HSD17B4: variants seen among roughly 807,000 people sequenced by gnomAD.
HSD17B4 encodes the protein peroxisomal multifunctional enzyme type 2.
HSD17B4 carries 70 observed loss-of-function variants against 101.0 expected under a neutral mutation model. The ratio of observed to expected loss-of-function variants is 0.69; its 90% CI spans 0.57 to 0.85. The LOEUF (loss-of-function observed/expected upper bound fraction) is 0.85, where lower values mean the gene tolerates loss of function less well. HSD17B4 is among the 40% of genes least tolerant of loss of function. HSD17B4 has a pLI of 0.00. For synonymous variants in HSD17B4, 347 were observed against 297.1 expected, an observed-to-expected ratio of 1.17 and a Z score of -1.73; for missense variants, 984 against 892.4, an observed-to-expected ratio of 1.10 and a Z score of -1.31.
intron 7 of HSD17B4, among the ~76,000 whole-genome samples, chr5:119,478,616 C>T (rs1748820569): frequency 6.6e-6 from 1 of 152,032 alleles, no homozygotes; most frequent in South Asian, 2.1e-4. Context: ...TTGGTTCTGG[C>T]CAGAGAATCT....
chr5:119,493,005 A>G (rs1193491013), intron 10 of HSD17B4: 1 of 152,140 alleles, frequency 6.6e-6, no homozygotes, highest in African/African-American at 2.4e-5. Flanking sequence ...AAAGTGGCTT[A>G]TATTCTTGAA....
chr5:119,455,390 G>A (rs1049694201), intron 1 of HSD17B4, among the ~76,000 whole-genome samples: 18 of 152,092 alleles, frequency 1.2e-4, no homozygotes, highest in African/African-American at 3.9e-4. Context: ...GGTGGCGGGC[G>A]CCTGTAGTCC....
At chr5:119,489,961 T>C (rs1749948997) in intron 9 of HSD17B4, among the ~76,000 whole-genome samples, 1 of 152,124 alleles carries the variant, frequency 6.6e-6, no homozygotes, top group South Asian at 2.1e-4. Context: ...AGCCAATTTA[T>C]ATATTTTTGA....
At chr5:119,514,330 G>C (rs1213349364) in intron 16 of HSD17B4, among the ~76,000 whole-genome samples, 1 of 152,116 alleles carries the variant, frequency 6.6e-6, no homozygotes, top group Admixed American at 6.5e-5. Context: ...AGCTTACTTT[G>C]TTGTGGAAAA....
intron 8 of HSD17B4, among the ~76,000 whole-genome samples, chr5:119,480,799 G>GT (rs1042430513): frequency 3.3e-5 from 5 of 151,866 alleles, no homozygotes; most frequent in African/African-American, 1.2e-4. Context: ...GGTACGCCCC[G>GT]GGGGGGCCAG....
intron 16 of HSD17B4, among the ~76,000 whole-genome samples, chr5:119,510,660 G>A (rs942676027): frequency 6.6e-6 from 1 of 152,196 alleles, no homozygotes; most frequent in Non-Finnish European, 1.5e-5. Flanking sequence ...TAGAGCAAAT[G>A]AAGAAACATT....
chr5:119,516,770 G>GA (rs1752647914), intron 17 of HSD17B4, among the ~76,000 whole-genome samples: 1 of 152,218 alleles, frequency 6.6e-6, no homozygotes, highest in Non-Finnish European at 1.5e-5. Context: ...TCAAGGAAGG[G>GA]AAGGAACACT....
intron 2 of HSD17B4, among the ~76,000 whole-genome samples, chr5:119,473,340 A>T (rs1322930702): frequency 1.0e-5 from 1 of 98,232 alleles, no homozygotes; most frequent in Non-Finnish European, 1.9e-5. Context: ...TTTTTCCTGG[A>T]AAGGGTCTTG....
rs1481330101 is a variant in HSD17B4 at position 119,502,066 on chromosome 5, A to G, written c.1235A>G (p.Glu412Gly). Residue 412 changes from glutamate to glycine, a missense_variant, in exon 14 of 24, where the codon GAG becomes GGG. Glu to Gly is a moderately conservative substitution (Grantham distance 98). Coordinates refer to ENST00000510025, the MANE Select transcript of HSD17B4 (RefSeq NM_000414.4). ...GTTCTTCATGGAGAGCAGTACTTAG[A>G]GTTATATAAACCACTTCCCAGAGCA... ...AKVLHGEQYL[E>G]LYKPLPRAGK... is the part of the protein sequence containing the mutation. 1 of 1,604,712 alleles carries G rather than the reference A, an allele frequency of 6.2e-7. No homozygotes were observed.
In HSD17B4 at chr5:119,536,494, A is replaced by G; in HGVS notation, c.2065A>G (p.Ile689Val). The G allele has an allele frequency of 1.2e-6, 2 of 1,612,240 alleles. No homozygotes were observed. The highest frequency in any genetic ancestry group is 1.7e-6 in the Non-Finnish European group (2 of 1,178,556). ...AAAAGGTGCTGCTGATACAACAATCATACTTTCAGATGAAGATTTCATGGA... is the reference window on the plus strand; with the variant it reads ...AAAAGGTGCTGCTGATACAACAATCGTACTTTCAGATGAAGATTTCATGGA... ...PAKGAADTTI[I>V]LSDEDFMEVV... Residue 689 changes from isoleucine (I) to valine (V), a missense_variant, in exon 23 of 24, where the codon ATA (isoleucine) becomes GTA (valine). Coordinates refer to ENST00000510025, the MANE Select transcript of HSD17B4 (RefSeq NM_000414.4).
intron 2 of HSD17B4, among the ~76,000 whole-genome samples, chr5:119,460,500 G>A (rs1283634465): frequency 6.6e-6 from 1 of 152,162 alleles, no homozygotes; most frequent in South Asian, 2.1e-4. Context: ...ATTTAGAGTA[G>A]CTCTTAGCTA....
chr5:119,452,945 G>A (rs1272672948), intron 1 of HSD17B4: 1 of 1,101,988 alleles, frequency 9.1e-7, no homozygotes, highest in African/African-American at 1.5e-5. Flanking sequence ...TTATCTGTGG[G>A]CATCGATTGT....
chr5:119,478,418 A>G (rs1001421863), intron 7 of HSD17B4, among the ~76,000 whole-genome samples: 2 of 152,180 alleles, frequency 1.3e-5, no homozygotes, highest in African/African-American at 4.8e-5. Flanking sequence ...AAGTAGAGTG[A>G]GTGAGGTTGG....
chr5:119,462,474 C>A (rs941238702), intron 2 of HSD17B4, among the ~76,000 whole-genome samples: 1 of 151,618 alleles, frequency 6.6e-6, no homozygotes, highest in Non-Finnish European at 1.5e-5. Flanking sequence ...ATTGTTACTG[C>A]CACTCTCTTA....
At chr5:119,485,329 C>A (rs1323719572) in intron 8 of HSD17B4, among the ~76,000 whole-genome samples, 16 of 152,258 alleles carry the variant, frequency 1.1e-4, no homozygotes, top group Admixed American at 2.0e-4. Flanking sequence ...ATCTGGACCA[C>A]TAAAGGCATT....
At chr5:119,467,239 G>A (rs1755901497) in intron 2 of HSD17B4, among the ~76,000 whole-genome samples, 1 of 152,158 alleles carries the variant, frequency 6.6e-6, no homozygotes, top group Non-Finnish European at 1.5e-5. Context: ...TGCAGCTGTT[G>A]GATCAAATGT....
At chr5:119,510,501 G>C (rs1301869920) in intron 16 of HSD17B4, among the ~76,000 whole-genome samples, 1 of 152,148 alleles carries the variant, frequency 6.6e-6, no homozygotes, top group African/African-American at 2.4e-5. Flanking sequence ...AGTAAATAAA[G>C]TATTATTTAA....
At chr5:119,504,015 A>C (rs1483635350) in intron 14 of HSD17B4, among the ~76,000 whole-genome samples, 1 of 152,116 alleles carries the variant, frequency 6.6e-6, no homozygotes, top group East Asian at 1.9e-4. Context: ...CCCACTTGTA[A>C]GTGAAAACAC....
chr5:119,488,327 G>C (rs558502387), intron 8 of HSD17B4, among the ~76,000 whole-genome samples: 1 of 152,134 alleles, frequency 6.6e-6, no homozygotes, highest in African/African-American at 2.4e-5. Context: ...GCTTCACCAA[G>C]GTACTCACAG....
Sources: gnomAD v4.1 joint callset for allele counts (sites outside exome capture counted in the v4.1 genomes callset) on GRCh38, gnomAD v4.1.1 for gene constraint, MANE v1.5 for transcripts, NCBI Gene and HGNC (gene_info 2026-07-23, HGNC 2026-07-21) for gene names.